Variants in RNF220 observed in about 807,000 individuals in gnomAD.
RNF220 encodes the protein E3 ubiquitin-protein ligase RNF220.
A neutral mutation model predicts 67.1 loss-of-function variants in RNF220; 7 were observed. The ratio of observed to expected loss-of-function variants is 0.10; its 90% CI spans 0.06 to 0.20. The LOEUF (loss-of-function observed/expected upper bound fraction) is 0.20, where lower values mean the gene tolerates loss of function less well. RNF220 is among the 10% of genes least tolerant of loss of function. The pLI is 1.00. For synonymous variants in RNF220, 270 were observed against 283.2 expected (o/e 0.95, Z 0.47); for missense variants, 565 against 740.3 (o/e 0.76, Z 2.75).
chr1:44,481,381 G>A (rs897416035), intron 2 of RNF220, among the ~76,000 whole-genome samples: 1 of 152,078 alleles, frequency 6.6e-6, no homozygotes, highest in African/African-American at 2.4e-5. Context: ...AGCTGTGATC[G>A]CCCTGCTGCA....
At chr1:44,428,485 C>G (rs1397333240) in intron 2 of RNF220, among the ~76,000 whole-genome samples, 3 of 152,146 alleles carry the variant, frequency 2.0e-5, no homozygotes, top group Admixed American at 1.3e-4. Context: ...TGCTTTTGCT[C>G]TATTTAGAGC....
chr1:44,463,464 A>G (rs1653979585), intron 2 of RNF220, among the ~76,000 whole-genome samples: 1 of 151,972 alleles, frequency 6.6e-6, no homozygotes, highest in Non-Finnish European at 1.5e-5. Context: ...AAAATTTTGT[A>G]ATTGTTGTGA....
chr1:44,477,979 T>G lies in RNF220; in HGVS notation c.625+65257T>G, dbSNP rs192098889. The stretch of plus-strand genomic sequence containing the variant: ...CACAATCCCAAGACTCCCCCAGTTT[T>G]TATTTCATTTATTTATTGAGACAGG... On this transcript the variant is annotated intron_variant, in intron 2 of 14. Transcript: ENST00000361799. Among the ~76,000 whole-genome samples the G allele has an allele frequency of 3.0e-3, 462 of 152,292 alleles. 2 individuals carry two copies. Among genetic ancestry groups the G allele is most frequent in the Non-Finnish European group, 5.1e-3 (350 of 68,020 alleles).
At chr1:44,481,300 C>A (rs1655785719) in intron 2 of RNF220, among the ~76,000 whole-genome samples, 1 of 152,106 alleles carries the variant, frequency 6.6e-6, no homozygotes, top group Admixed American at 6.6e-5. Context: ...TGACGTGCAC[C>A]TGTAGTCCCA....
intron 8 of RNF220, 102 bp from the exon 9 acceptor site, chr1:44,644,596 G>A (rs999261585): frequency 4.1e-5 from 34 of 827,538 alleles, no homozygotes; most frequent in Admixed American, 2.0e-5. Flanking sequence ...TTCCCTCTGG[G>A]CCTTATCAGG....
intron 2 of RNF220, among the ~76,000 whole-genome samples, chr1:44,495,424 A>G (rs569847677): frequency 1.1e-3 from 173 of 152,352 alleles, no homozygotes; most frequent in African/African-American, 4.0e-3. Context: ...TAGATAGTGT[A>G]ATGGGAATAC....
intron 2 of RNF220, among the ~76,000 whole-genome samples, chr1:44,555,156 C>T (rs900979277): frequency 3.9e-5 from 6 of 152,068 alleles, no homozygotes; most frequent in Non-Finnish European, 7.4e-5. Flanking sequence ...CAGCCTCCAC[C>T]TCCTGGGCTC....
chr1:44,482,663 C>T (rs570489826), intron 2 of RNF220, among the ~76,000 whole-genome samples: 2 of 152,104 alleles, frequency 1.3e-5, no homozygotes, highest in African/African-American at 4.8e-5. Flanking sequence ...GCTCTGTCAC[C>T]CAGTCTGGAG....
intron 2 of RNF220, among the ~76,000 whole-genome samples, chr1:44,424,323 G>A (rs1223737670): frequency 6.6e-6 from 1 of 152,136 alleles, no homozygotes; most frequent in Non-Finnish European, 1.5e-5. Flanking sequence ...GACAGGGATG[G>A]GGGTGGGGTG....
chr1:44,550,830 T>C lies in RNF220; in HGVS notation c.626-63335T>C, dbSNP rs569127243. Among the ~76,000 whole-genome samples the C allele has an allele frequency of 9.2e-5, 14 of 152,300 alleles. No homozygotes were observed. The Middle Eastern group carries it at 0.01, about 111-fold the overall frequency. On this transcript the variant is annotated intron_variant, in intron 2 of 14. Transcript: ENST00000361799. ...CAGGGCGTTCTTGGGCCTGTTCTAG[T>C]CCCTGCAATGCTTCTCCATGGCCAG...
At chr1:44,451,541 AT>A (rs1302024312) in intron 2 of RNF220, among the ~76,000 whole-genome samples, 1 of 151,984 alleles carries the variant, frequency 6.6e-6, no homozygotes, top group Admixed American at 6.6e-5. Context: ...TGTTGCAAAT[AT>A]TTTTTCCTGG....
At chr1:44,437,743 T>C (rs1651124918) in intron 2 of RNF220, among the ~76,000 whole-genome samples, 2 of 152,202 alleles carry the variant, frequency 1.3e-5, no homozygotes, top group Admixed American at 1.3e-4. Context: ...TGTTAGGAAG[T>C]GCAGACAGTA....
At position 44,644,782 on chromosome 1, in the gene RNF220, A is replaced by G. The variant is rs1644588210; in HGVS notation, c.1211A>G (p.Tyr404Cys). 2.5e-6 allele frequency: 4 copies of G among 1,613,632 alleles called. No individual in the cohort carries two copies. The highest frequency in any genetic ancestry group is 3.4e-6 in the Non-Finnish European group (4 of 1,179,676). ...GTGGATGGGGATGACACTCTGGAGTATGGGAAGCCACAGTATCCTTGGAGC... is the reference window on the plus strand; with the variant it reads ...GTGGATGGGGATGACACTCTGGAGTGTGGGAAGCCACAGTATCCTTGGAGC... ...LDVDGDDTLE[Y>C]GKPQYTEADV... is the part of the protein sequence containing the mutation. Residue 404 changes from tyrosine to cysteine, a missense_variant, in exon 9 of 15, where the codon TAT becomes TGT. Transcript: ENST00000361799.
intron 12 of RNF220, chr1:44,648,604 G>A (rs1644710565): frequency 1.3e-5 from 2 of 152,228 alleles, no homozygotes; most frequent in Non-Finnish European, 2.9e-5. Flanking sequence ...TTCAGGTGCA[G>A]GGCTTGGCCC....
intron 8 of RNF220, 67 bp downstream of exon 8, chr1:44,636,229 G>A: frequency 6.4e-7 from 1 of 1,562,992 alleles, no homozygotes; most frequent in Non-Finnish European, 8.7e-7. Flanking sequence ...TCCATCTGCT[G>A]GAAGCCAAGA....
In RNF220 at chr1:44,557,195, T is replaced by A. The variant is rs575491087; in HGVS notation, c.626-56970T>A. ...TATATATTAATATATAATATATATT[T>A]TATATATATATATATAAGCTTCTTG... On this transcript the variant is annotated intron_variant, in intron 2 of 14. Coordinates refer to ENST00000361799, the MANE Select transcript of RNF220 (RefSeq NM_018150.4). Among the ~76,000 whole-genome samples the A allele has an allele frequency of 5.3e-4, 76 of 144,270 alleles. 1 individual carries two copies. The highest frequency in any genetic ancestry group is 1.6e-3 in the African/African-American group (61 of 39,082). 94.6% of individuals were successfully genotyped at this position (144,270 alleles called of 152,430 possible). A position where few individuals can be genotyped will look rare whatever the true frequency, so the allele number is the denominator to read the frequency against.
At chr1:44,632,050 G>C (rs1426718000) in intron 5 of RNF220, 4 of 1,097,022 alleles carry the variant, frequency 3.6e-6, no homozygotes, top group Non-Finnish European at 2.2e-6. Flanking sequence ...CCGCATCGCC[G>C]CCCTCGCCGG....
At chr1:44,553,379 TGAA>T (rs1662825145) in intron 2 of RNF220, among the ~76,000 whole-genome samples, 1 of 8,758 alleles carries the variant, frequency 1.1e-4, no homozygotes. Context: ...TAAGAATGAA[TGAA>T]TGAATGAATG....
intron 2 of RNF220, among the ~76,000 whole-genome samples, chr1:44,588,910 T>C (rs986439433): frequency 2.0e-5 from 3 of 152,250 alleles, no homozygotes; most frequent in Non-Finnish European, 2.9e-5. Context: ...TCTCCTGCCA[T>C]GAAGTACTTC....
Sources: allele counts gnomAD v4.1 joint callset (sites outside exome capture counted in the v4.1 genomes callset), GRCh38; gene constraint gnomAD v4.1.1; transcripts MANE v1.5; gene names NCBI Gene and HGNC (gene_info 2026-07-23, HGNC 2026-07-21).